VRK2: variants seen among roughly 807,000 people sequenced by gnomAD.
VRK2 encodes serine/threonine-protein kinase VRK2.
VRK2 carries 60 observed loss-of-function variants against 57.6 expected under a neutral mutation model. The observed-to-expected ratio is 1.04, with a 90% CI of 0.85 to 1.29. The LOEUF is 1.29. Ranked by LOEUF, VRK2 falls within the 50% of genes most tolerant of loss-of-function variation. VRK2 has a pLI of 0.00. For missense variants in VRK2, 705 were observed against 588.1 expected (o/e 1.20, Z -2.06); for synonymous variants, 231 against 199.2 (o/e 1.16, Z -1.35).
At chr2:58,142,170 A>T (rs559380188) in intron 11 of VRK2, among the ~76,000 whole-genome samples, 2 of 152,068 alleles carry the variant, frequency 1.3e-5, no homozygotes, top group East Asian at 1.9e-4. Flanking sequence ...AACTGTTTAC[A>T]TTTTTAAATG....
chr2:58,125,069 A>G (rs538324992), intron 8 of VRK2, among the ~76,000 whole-genome samples: 1 of 152,274 alleles, frequency 6.6e-6, no homozygotes, highest in South Asian at 2.1e-4. Flanking sequence ...TACTTTTTTG[A>G]TAATGGTATA....
intron 12 of VRK2, among the ~76,000 whole-genome samples, chr2:58,151,216 A>G (rs991859643): frequency 1.3e-5 from 2 of 151,580 alleles, no homozygotes; most frequent in African/African-American, 2.4e-5. Context: ...TGTCTCTTCT[A>G]TACATTTTTG....
intron 1 of VRK2, among the ~76,000 whole-genome samples, chr2:57,953,040 A>C (rs977761341): frequency 6.6e-6 from 1 of 152,222 alleles, no homozygotes; most frequent in Non-Finnish European, 1.5e-5. Context: ...ACTTTATGCA[A>C]ATTATAGCCA....
chr2:58,042,415 A>T (rs1197473348), upstream of VRK2, among the ~76,000 whole-genome samples: 1 of 152,272 alleles, frequency 6.6e-6, no homozygotes, highest in East Asian at 1.9e-4. Flanking sequence ...TAAGTTTATG[A>T]GTGCAAATGG....
At chr2:57,923,020 G>C (rs935292882) in intron 1 of VRK2, among the ~76,000 whole-genome samples, 1 of 151,944 alleles carries the variant, frequency 6.6e-6, no homozygotes, top group Non-Finnish European at 1.5e-5. Context: ...ATGTCCTCCA[G>C]TTCCATCCAT....
chr2:57,963,540 G>A (rs1411920286), intron 1 of VRK2, among the ~76,000 whole-genome samples: 1 of 152,092 alleles, frequency 6.6e-6, no homozygotes, highest in Non-Finnish European at 1.5e-5. Flanking sequence ...AAAAATTCTT[G>A]ACACATTACC....
At chr2:57,923,572 C>T (rs1289923614) in intron 1 of VRK2, among the ~76,000 whole-genome samples, 1 of 150,820 alleles carries the variant, frequency 6.6e-6, no homozygotes, top group Non-Finnish European at 1.5e-5. Flanking sequence ...GTTTTTAAAT[C>T]AGATTATTAG....
intron 1 of VRK2, among the ~76,000 whole-genome samples, chr2:57,931,421 T>C (rs926162231): frequency 3.3e-5 from 5 of 152,200 alleles, no homozygotes; most frequent in Admixed American, 2.0e-4. Context: ...TATTCTTCTT[T>C]TGAGGAATAT....
chr2:58,143,403 G>A lies in VRK2; in HGVS notation c.1024-2913G>A, dbSNP rs148261250. ...TCTATCTTTGAGAAAAAGTTTCACT[G>A]TGTTCACTATCATCTACTTCACTCT... On this transcript the variant is annotated intron_variant, in intron 11 of 12. Coordinates refer to ENST00000340157, the MANE Select transcript of VRK2 (RefSeq NM_006296.7). Among the ~76,000 whole-genome samples, 3 of 152,020 alleles carry A rather than the reference G, an allele frequency of 2.0e-5. No homozygotes were observed. In the East Asian group the frequency reaches 5.8e-4, roughly 29 times the overall value.
In VRK2 at chr2:58,107,718, G is replaced by A. The variant is rs372024606; in HGVS notation, c.544-15383G>A. 9.9e-5 allele frequency among the ~76,000 whole-genome samples: 15 copies of A among 152,236 alleles called. 1 individual carries two copies. The highest frequency in any genetic ancestry group is 3.1e-4 in the African/African-American group (13 of 41,546). ...CTATTCTCTCATGTGAATCTTCATTGTGGACATAAAATAGTAAACAAATGT... is the reference window on the plus strand; with the variant it reads ...CTATTCTCTCATGTGAATCTTCATTATGGACATAAAATAGTAAACAAATGT... On this transcript the variant is annotated intron_variant, in intron 7 of 12. Transcript: ENST00000340157.
At chr2:57,945,160 G>C (rs1260985048) in intron 1 of VRK2, among the ~76,000 whole-genome samples, 3 of 152,108 alleles carry the variant, frequency 2.0e-5, no homozygotes, top group African/African-American at 4.8e-5. Flanking sequence ...GAAATGTCAA[G>C]TAGGTCAATA....
At chr2:57,925,035 C>G (rs998904558) in intron 1 of VRK2, among the ~76,000 whole-genome samples, 3 of 151,958 alleles carry the variant, frequency 2.0e-5, no homozygotes, top group African/African-American at 7.2e-5. Context: ...TATGTTGCTC[C>G]ATCTTTGCAT....
chr2:58,030,133 T>C (rs934100487), intron 2 of VRK2, among the ~76,000 whole-genome samples: 1 of 152,104 alleles, frequency 6.6e-6, no homozygotes, highest in Non-Finnish European at 1.5e-5. Flanking sequence ...TTTTAGATTG[T>C]CTGAGGCCTC....
chr2:57,933,318 T>TTTC (rs1670798466), intron 1 of VRK2, among the ~76,000 whole-genome samples: 1 of 132,950 alleles, frequency 7.5e-6, no homozygotes. Flanking sequence ...TCTTTTTTTT[T>TTTC]TTTTTTTTTT....
chr2:58,117,221 T>A (rs1676654021), intron 7 of VRK2, among the ~76,000 whole-genome samples: 1 of 152,122 alleles, frequency 6.6e-6, no homozygotes, highest in Non-Finnish European at 1.5e-5. Context: ...TTTTTATATT[T>A]GATGAAAAAG....
At chr2:58,080,746 G>A (rs188839487) in intron 2 of VRK2, among the ~76,000 whole-genome samples, 1 of 151,466 alleles carries the variant, frequency 6.6e-6, no homozygotes. Flanking sequence ...CTAGATTCTA[G>A]GTTTGTCTCT....
At position 58,048,079 on chromosome 2, in the gene VRK2, G is replaced by A. The variant is rs190423223; in HGVS notation, c.-5-748G>A. Among the ~76,000 whole-genome samples the A allele has an allele frequency of 9.7e-4, 148 of 152,300 alleles. 1 individual carries two copies. The Middle Eastern group carries it at 0.027, about 28-fold the overall frequency. On this transcript the variant is annotated intron_variant, in intron 1 of 12. Coordinates refer to ENST00000340157, the MANE Select transcript of VRK2 (RefSeq NM_006296.7). ...CTTTTAACTCAGAATTTCCCATTGA[G>A]AAATTTGCTAACCTATGTACAATTA...
At chr2:57,910,515 A>G (rs1359933163) in intron 1 of VRK2, among the ~76,000 whole-genome samples, 1 of 152,198 alleles carries the variant, frequency 6.6e-6, no homozygotes, top group African/African-American at 2.4e-5. Context: ...CAAGCCTGTA[A>G]TATTTGCCAT....
intron 1 of VRK2, among the ~76,000 whole-genome samples, chr2:57,954,141 AG>A (rs1204149303): frequency 1.3e-5 from 2 of 152,074 alleles, no homozygotes; most frequent in African/African-American, 2.4e-5. Flanking sequence ...TACTAATTTG[AG>A]GGTTTATGAA....
Sources: gnomAD v4.1 joint callset for allele counts (sites outside exome capture counted in the v4.1 genomes callset) on GRCh38, gnomAD v4.1.1 for gene constraint, MANE v1.5 for transcripts, NCBI Gene and HGNC (gene_info 2026-07-23, HGNC 2026-07-21) for gene names.